MYO1E: variants seen among roughly 807,000 people sequenced by gnomAD.
MYO1E encodes the protein unconventional myosin-Ie.
MYO1E carries 68 observed loss-of-function variants against 151.1 expected under a neutral mutation model. That is an observed-to-expected ratio of 0.45 (90% CI 0.37 to 0.55). MYO1E has a LOEUF of 0.55. MYO1E is among the 20% of genes least tolerant of loss of function. The pLI is 0.00. For missense variants in MYO1E, 1,363 were observed against 1,389.3 expected (o/e 0.98, Z 0.30); for synonymous variants, 601 against 501.7 (o/e 1.20, Z -2.64).
intron 26 of MYO1E, among the ~76,000 whole-genome samples, chr15:59,145,761 T>C (rs1287648905): frequency 6.6e-6 from 1 of 152,214 alleles, no homozygotes; most frequent in African/African-American, 2.4e-5. Flanking sequence ...AGAAATACTA[T>C]ACAATGGTGA....
At chr15:59,312,920 A>C (rs184726264) in intron 1 of MYO1E, among the ~76,000 whole-genome samples, 284 of 152,320 alleles carry the variant, frequency 1.9e-3, no homozygotes, top group Non-Finnish European at 2.9e-3. Context: ...TGCCACCTGT[A>C]GTCACAGCTA....
chr15:59,260,980 G>A (rs1444209714), intron 3 of MYO1E, among the ~76,000 whole-genome samples: 1 of 152,116 alleles, frequency 6.6e-6, no homozygotes, highest in Non-Finnish European at 1.5e-5. Flanking sequence ...TTGGGAGGCT[G>A]AGGCAGGTGG....
chr15:59,271,838 C>T (rs1320177425), intron 2 of MYO1E, among the ~76,000 whole-genome samples: 1 of 152,208 alleles, frequency 6.6e-6, no homozygotes, highest in Non-Finnish European at 1.5e-5. Flanking sequence ...CCAGGACTTC[C>T]TCTAGGAAGA....
At chr15:59,347,988 G>A (rs768614301) in intron 1 of MYO1E, among the ~76,000 whole-genome samples, 6 of 152,086 alleles carry the variant, frequency 3.9e-5, no homozygotes, top group African/African-American at 1.2e-4. Flanking sequence ...GTAAAGCAGC[G>A]GCTCTCCTAT....
At chr15:59,203,813 TA>T (rs797009481) in intron 15 of MYO1E, among the ~76,000 whole-genome samples, 7 of 152,356 alleles carry the variant, frequency 4.6e-5, no homozygotes, top group African/African-American at 1.4e-4. Flanking sequence ...AGTTGGTCCA[TA>T]ATATGTATTT....
At chr15:59,163,862 T>A (rs1181553521) in intron 22 of MYO1E, among the ~76,000 whole-genome samples, 1 of 152,224 alleles carries the variant, frequency 6.6e-6, no homozygotes, top group African/African-American at 2.4e-5. Context: ...CAGGAGCTAC[T>A]AGAACGTACA....
At chr15:59,262,534 G>A (rs866967259) in intron 2 of MYO1E, among the ~76,000 whole-genome samples, 75 of 152,024 alleles carry the variant, frequency 4.9e-4, no homozygotes, top group African/African-American at 1.7e-3. Flanking sequence ...AGGCTGAGGC[G>A]GGAGGATTGC....
Position 59,170,646 on chromosome 15 carries a change from G to T in MYO1E, c.2480+1251C>A, listed in dbSNP as rs534928886. Among the ~76,000 whole-genome samples the T allele has an allele frequency of 3.9e-5, 6 of 151,916 alleles. No individual in the cohort carries two copies. The South Asian group carries it at 6.3e-4, about 16-fold the overall frequency. On this transcript the variant is annotated intron_variant, in intron 22 of 27. Transcript: ENST00000288235. ...CCTACCTGAGGTGGGGCTGCAAAATGGACACTGCGGACTCATCTGCTTAGC... is the reference window on the plus strand; with the variant it reads ...CCTACCTGAGGTGGGGCTGCAAAATTGACACTGCGGACTCATCTGCTTAGC...
intron 16 of MYO1E, among the ~76,000 whole-genome samples, chr15:59,201,257 C>T (rs1031897457): frequency 1.3e-5 from 2 of 151,880 alleles, no homozygotes; most frequent in African/African-American, 2.4e-5. Context: ...AGCCACTACA[C>T]CTCATTTTTA....
intron 1 of MYO1E, among the ~76,000 whole-genome samples, chr15:59,339,190 T>C (rs1351974382): frequency 6.6e-6 from 1 of 152,234 alleles, no homozygotes; most frequent in Non-Finnish European, 1.5e-5. Context: ...TAATGGGTAC[T>C]AAACTCTTCC....
Sources: gnomAD v4.1 joint callset for allele counts (sites outside exome capture counted in the v4.1 genomes callset) on GRCh38, gnomAD v4.1.1 for gene constraint, MANE v1.5 for transcripts, NCBI Gene and HGNC (gene_info 2026-07-23, HGNC 2026-07-21) for gene names.